Variants in EMILIN2 observed in about 807,000 individuals in gnomAD.
EMILIN2 encodes EMILIN-2.
EMILIN2 carries 71 observed loss-of-function variants against 87.1 expected under a neutral mutation model. The ratio of observed to expected loss-of-function variants is 0.82; its 90% confidence interval spans 0.67 to 0.99. The LOEUF (loss-of-function observed/expected upper bound fraction) is 0.99. Among genes scored for constraint, EMILIN2 ranks in the 50% least tolerant of loss-of-function variants. The probability of loss-of-function intolerance (pLI) is 0.00; values close to 1 mark genes in which losing one functional copy is unlikely to be tolerated. For missense variants in EMILIN2, 1,407 were observed against 1,371.8 expected (o/e 1.03, Z -0.40); for synonymous variants, 581 against 563.4 (o/e 1.03, Z -0.44).
Position 2,890,794 on chromosome 18 carries a change from A to C in EMILIN2, c.667A>C (p.Thr223Pro), listed in dbSNP as rs2076831458. ...KHATQDDASR[T>P]RAPGLSSQHP... is the part of the protein sequence containing the mutation. ...TGCCACTCAGGATGATGCCAGTAGA[A>C]CACGGGCACCAGGGCTCAGCAGCCA... Residue 223 changes from threonine (T) to proline (P), a missense_variant, in exon 4 of 8, where the codon ACA becomes CCA. By Grantham distance (38) the Thr-to-Pro change is conservative. Transcript: ENST00000254528. The surrounding 1 kb of genome is among the most constrained non-coding windows in gnomAD (Gnocchi z 4.7). 2 of 1,613,570 alleles carry C rather than the reference A, an allele frequency of 1.2e-6. No homozygotes were observed. The highest frequency in any genetic ancestry group is 1.7e-6 in the Non-Finnish European group (2 of 1,179,800).
rs1392233445 is a variant in EMILIN2, at chr18:2,871,798, A to G, written c.258-13166A>G. Among the ~76,000 whole-genome samples the G allele has an allele frequency of 5.3e-5, 8 of 152,246 alleles. No homozygotes were observed. In the South Asian group the frequency reaches 1.4e-3, roughly 28 times the overall value. ...TTAACTATAACCCTTCATGTGGGCA[A>G]TGGAGTCCATTATTACGGAGGTAAT... On this transcript the variant is annotated intron_variant, in intron 2 of 7. Transcript: ENST00000254528.
At chr18:2,872,787 A>G (rs1039132460) in intron 2 of EMILIN2, among the ~76,000 whole-genome samples, 4 of 152,194 alleles carry the variant, frequency 2.6e-5, no homozygotes, top group Non-Finnish European at 5.9e-5. Flanking sequence ...CAGTGACCAA[A>G]GATATAACTG....
At position 2,913,395 on chromosome 18, in the gene EMILIN2, C is replaced by T; in HGVS notation, c.3153C>T (p.Ser1051=). ...GGGTTTTCTTATATCCTTTCCTTTC[C>T]CACCTCTAAGGTGGCTGGGGAGATG... ...FSGVFLYPFL[S]HL Residue 1051 remains serine, a synonymous_variant, in exon 8 of 8, where the codon TCC becomes TCT. Coordinates refer to ENST00000254528, the MANE Select transcript of EMILIN2 (RefSeq NM_032048.3). The T allele has an allele frequency of 1.3e-6, 2 of 1,596,660 alleles. No individual in the cohort carries two copies. Among genetic ancestry groups the T allele is most frequent in the African/African-American group, 1.3e-5 (1 of 74,346 alleles).
intron 3 of EMILIN2, among the ~76,000 whole-genome samples, chr18:2,886,302 T>TG (rs2076803257): frequency 6.6e-6 from 1 of 152,200 alleles, no homozygotes; most frequent in African/African-American, 2.4e-5. Context: ...GAACATGACA[T>TG]GGGGGCTGGT....
chr18:2,890,642 C>A lies in EMILIN2; in HGVS notation c.515C>A (p.Pro172Gln). Residue 172 changes from proline to glutamine, a missense_variant, in exon 4 of 8, where the codon CCA becomes CAA. Transcript: ENST00000254528. The surrounding 1 kb of genome is among the most constrained non-coding windows in gnomAD (Gnocchi z 4.7). ...GCACAACCAAGCTGGGGGGTAGATC[C>A]AAAAGAGGGGCCTCAGGAACTTCAG... ...GTAQPSWGVD[P>Q]KEGPQELQEK... is the part of the protein sequence containing the mutation. 6.2e-7 allele frequency: 1 copy of A among 1,613,558 alleles called. No homozygotes were observed. The highest frequency in any genetic ancestry group is 1.6e-4 in the Middle Eastern group (1 of 6,062).
At chr18:2,868,623 G>A (rs1305499538) in intron 2 of EMILIN2, among the ~76,000 whole-genome samples, 4 of 152,222 alleles carry the variant, frequency 2.6e-5, no homozygotes, top group East Asian at 1.9e-4. Flanking sequence ...GCGAAACCCC[G>A]TCTCCACCAA....
upstream of EMILIN2, chr18:2,846,942 G>A (rs2076576988): frequency 2.0e-6 from 2 of 996,290 alleles, no homozygotes; most frequent in Non-Finnish European, 2.4e-6. The surrounding 1 kb of genome is among the most constrained non-coding windows in gnomAD (Gnocchi z 5.3). Flanking sequence ...TAAAGAGGGC[G>A]GCACCCGGGG....
intron 2 of EMILIN2, among the ~76,000 whole-genome samples, chr18:2,853,325 C>A (rs2076610629): frequency 6.6e-6 from 1 of 152,192 alleles, no homozygotes; most frequent in South Asian, 2.1e-4. Flanking sequence ...GCCCTTGGGA[C>A]ATTCCCAGCG....
chr18:2,863,731 T>G (rs1306039501), intron 2 of EMILIN2, among the ~76,000 whole-genome samples: 1 of 152,240 alleles, frequency 6.6e-6, no homozygotes, highest in Non-Finnish European at 1.5e-5. Context: ...AGATGTCTAT[T>G]AGGTCCACTT....
At chr18:2,846,895 G>GT (rs576449198), upstream of EMILIN2, 150 of 989,336 alleles carry the variant, frequency 1.5e-4, no homozygotes, top group South Asian at 5.0e-3. This position sits in a 1 kb window ranked among gnomAD's most constrained non-coding sequence, Gnocchi z 5.3. Context: ...GGGAGACTTG[G>GT]TGGGGGGAGA....
At chr18:2,884,593 T>C (rs2076794082) in intron 2 of EMILIN2, among the ~76,000 whole-genome samples, 1 of 152,216 alleles carries the variant, frequency 6.6e-6, no homozygotes, top group Non-Finnish European at 1.5e-5. Context: ...TAGTGACACC[T>C]GAAACAAATC....
chr18:2,849,609 A>G (rs940045841), intron 2 of EMILIN2, among the ~76,000 whole-genome samples: 1 of 152,234 alleles, frequency 6.6e-6, no homozygotes, highest in African/African-American at 2.4e-5. Context: ...CCCAGTGAGT[A>G]GGACAACAGA....
intron 4 of EMILIN2, among the ~76,000 whole-genome samples, chr18:2,899,975 C>T (rs911174404): frequency 2.0e-5 from 3 of 152,178 alleles, no homozygotes; most frequent in Non-Finnish European, 4.4e-5. Context: ...TCAACATCCA[C>T]GAGTTTGTAC....
chr18:2,882,259 G>C (rs2076780607), intron 2 of EMILIN2, among the ~76,000 whole-genome samples: 1 of 152,228 alleles, frequency 6.6e-6, no homozygotes, highest in South Asian at 2.1e-4. Flanking sequence ...AGCAGCCCTT[G>C]TTTTTCCATT....
intron 4 of EMILIN2, among the ~76,000 whole-genome samples, chr18:2,902,815 C>T (rs2076893813): frequency 6.6e-6 from 1 of 151,926 alleles, no homozygotes; most frequent in Admixed American, 6.6e-5. Context: ...GGCTTAGCAA[C>T]AAATTTGTGT....
intron 2 of EMILIN2, among the ~76,000 whole-genome samples, chr18:2,859,289 T>C (rs573269233): frequency 2.8e-4 from 43 of 152,338 alleles, no homozygotes; most frequent in Middle Eastern, 3.4e-3. Context: ...TATCGCATTG[T>C]GGTTTTGATT....
chr18:2,867,265 G>C (rs2076691044), intron 2 of EMILIN2, among the ~76,000 whole-genome samples: 1 of 151,860 alleles, frequency 6.6e-6, no homozygotes, highest in Non-Finnish European at 1.5e-5. Flanking sequence ...GTGTCAATAG[G>C]ATTGGTACCA....
intron 7 of EMILIN2, among the ~76,000 whole-genome samples, chr18:2,912,216 A>G (rs1429287564): frequency 6.6e-6 from 1 of 150,956 alleles, no homozygotes; most frequent in Non-Finnish European, 1.5e-5. Flanking sequence ...TTTTTTTTGT[A>G]TTTTTAGTAG....
At chr18:2,854,796 C>A (rs2076619047) in intron 2 of EMILIN2, among the ~76,000 whole-genome samples, 1 of 152,030 alleles carries the variant, frequency 6.6e-6, no homozygotes, top group South Asian at 2.1e-4. Context: ...ACAAAACAAA[C>A]AAAAAAACCC....
Sources: allele counts gnomAD v4.1 joint callset (sites outside exome capture counted in the v4.1 genomes callset), GRCh38; gene constraint gnomAD v4.1.1; non-coding constraint Gnocchi (gnomAD v3.1); transcripts MANE v1.5; gene names NCBI Gene and HGNC (gene_info 2026-07-23, HGNC 2026-07-21).